CSMD1: variants seen among roughly 807,000 people sequenced by gnomAD.
CSMD1 encodes CUB and Sushi multiple domains 1, also known as CUB and sushi domain-containing protein 1.
Under a neutral mutation model 417.5 loss-of-function variants are expected in CSMD1, and 213 were observed. The ratio of observed to expected loss-of-function variants is 0.51; its 90% confidence interval spans 0.46 to 0.57. The LOEUF (loss-of-function observed/expected upper bound fraction) is 0.57, where lower values mean the gene tolerates loss of function less well. Among genes scored for constraint, CSMD1 ranks in the 20% least tolerant of loss-of-function variants. The pLI is 0.00. For missense variants in CSMD1, 6,923 were observed against 4,529.7 expected (o/e 1.53, Z -15.17); for synonymous variants, 2,862 against 1,736.8 (o/e 1.65, Z -16.11).
chr8:3,990,873 C>G (rs1165349989), intron 5 of CSMD1, among the ~76,000 whole-genome samples: 1 of 152,098 alleles, frequency 6.6e-6, no homozygotes, highest in African/African-American at 2.4e-5. Flanking sequence ...CAGAGAGCCA[C>G]CTTCTTTGCT....
intron 3 of CSMD1, among the ~76,000 whole-genome samples, chr8:4,389,659 C>G (rs902787087): frequency 1.3e-5 from 2 of 152,166 alleles, no homozygotes; most frequent in Non-Finnish European, 2.9e-5. Context: ...CCTCCCTAAA[C>G]TCCACCTTTA....
intron 1 of CSMD1, among the ~76,000 whole-genome samples, chr8:4,910,778 T>C (rs1805612409): frequency 6.6e-6 from 1 of 152,214 alleles, no homozygotes. Flanking sequence ...AAGGACCTTA[T>C]AAGGTGGGAA....
chr8:4,178,876 A>T (rs377295981), intron 3 of CSMD1, among the ~76,000 whole-genome samples: 8 of 152,150 alleles, frequency 5.3e-5, no homozygotes, highest in African/African-American at 1.9e-4. Flanking sequence ...ACAAGGGATG[A>T]GAAGGACCTC....
At chr8:4,326,256 C>T (rs1239619173) in intron 3 of CSMD1, among the ~76,000 whole-genome samples, 3 of 152,124 alleles carry the variant, frequency 2.0e-5, no homozygotes, top group Non-Finnish European at 2.9e-5. Flanking sequence ...CCAAAGACTG[C>T]AGATCATCTT....
intron 12 of CSMD1, among the ~76,000 whole-genome samples, chr8:3,458,821 G>C (rs924372083): frequency 1.3e-5 from 2 of 152,186 alleles, no homozygotes; most frequent in East Asian, 1.9e-4. Context: ...AAACAGGATT[G>C]AATAAAATGG....
intron 2 of CSMD1, among the ~76,000 whole-genome samples, chr8:4,508,541 G>A (rs1802652112): frequency 6.6e-6 from 1 of 152,050 alleles, no homozygotes; most frequent in Non-Finnish European, 1.5e-5. Context: ...GCAAGATGAA[G>A]TTTACTGCAT....
At chr8:4,027,882 CAG>C in intron 4 of CSMD1, among the ~76,000 whole-genome samples, 3 of 152,190 alleles carry the variant, frequency 2.0e-5, no homozygotes, top group African/African-American at 7.2e-5. Context: ...AACAAAGACA[CAG>C]TAACTTTGAT....
intron 3 of CSMD1, among the ~76,000 whole-genome samples, chr8:4,123,679 G>C (rs994324701): frequency 4.6e-5 from 7 of 152,282 alleles, no homozygotes; most frequent in South Asian, 2.1e-4. Context: ...GGGAAAACCT[G>C]ATGATAACTT....
intron 1 of CSMD1, among the ~76,000 whole-genome samples, chr8:4,871,091 A>G (rs1802711174): frequency 6.6e-6 from 1 of 152,116 alleles, no homozygotes; most frequent in Non-Finnish European, 1.5e-5. Context: ...GGCCTGGGCC[A>G]TGGGAGGAGG....
At chr8:4,326,820 G>T (rs1799588469) in intron 3 of CSMD1, among the ~76,000 whole-genome samples, 1 of 149,436 alleles carries the variant, frequency 6.7e-6, no homozygotes, top group Non-Finnish European at 1.5e-5. Context: ...CTTTGGCTTT[G>T]AGATTCTTCT....
chr8:4,280,061 C>T (rs572853328), intron 3 of CSMD1, among the ~76,000 whole-genome samples: 1 of 152,320 alleles, frequency 6.6e-6, no homozygotes. Flanking sequence ...GAACGCTGAG[C>T]GTTAACTAAC....
At chr8:3,449,621 A>T (rs1010940332) in intron 12 of CSMD1, among the ~76,000 whole-genome samples, 18 of 152,180 alleles carry the variant, frequency 1.2e-4, no homozygotes, top group African/African-American at 4.1e-4. Context: ...GGGTTCAAGC[A>T]ATACTCCTGC....
chr8:3,015,302 C>T (rs1808742459), intron 52 of CSMD1, among the ~76,000 whole-genome samples: 2 of 152,234 alleles, frequency 1.3e-5, no homozygotes, highest in South Asian at 2.1e-4. Flanking sequence ...GGGACAGTTG[C>T]TTTGCTTGAA....
At chr8:3,577,766 A>C (rs764213680) in intron 9 of CSMD1, among the ~76,000 whole-genome samples, 1 of 152,168 alleles carries the variant, frequency 6.6e-6, no homozygotes, top group Non-Finnish European at 1.5e-5. Flanking sequence ...CAACCTAATC[A>C]TCTGCTTCTT....
intron 12 of CSMD1, among the ~76,000 whole-genome samples, chr8:3,413,597 G>T (rs1812949853): frequency 6.6e-6 from 1 of 152,180 alleles, no homozygotes; most frequent in African/African-American, 2.4e-5. Context: ...TCATGATTAT[G>T]CCAGCGATGT....
chr8:3,937,459 A>G (rs1208522138), intron 5 of CSMD1, among the ~76,000 whole-genome samples: 2 of 152,168 alleles, frequency 1.3e-5, no homozygotes, highest in African/African-American at 2.4e-5. Flanking sequence ...TCATCCATCA[A>G]CATTGACGAA....
chr8:4,959,998 T>C (rs1219219323), intron 1 of CSMD1, among the ~76,000 whole-genome samples: 1 of 152,220 alleles, frequency 6.6e-6, no homozygotes, highest in African/African-American at 2.4e-5. Flanking sequence ...GGTTTCTCTT[T>C]GCTCACTAGG....
At chr8:3,814,071 G>C (rs1400508905) in intron 5 of CSMD1, among the ~76,000 whole-genome samples, 1 of 152,172 alleles carries the variant, frequency 6.6e-6, no homozygotes, top group Non-Finnish European at 1.5e-5. Context: ...TGCAAAATGT[G>C]TTTCAAATTC....
At chr8:3,430,131 A>T (rs182269015) in intron 12 of CSMD1, among the ~76,000 whole-genome samples, 180 of 152,324 alleles carry the variant, frequency 1.2e-3, no homozygotes, top group Non-Finnish European at 1.6e-3. Flanking sequence ...ACACATACAT[A>T]TACATACAAA....
Sources: gnomAD v4.1 joint callset for allele counts (sites outside exome capture counted in the v4.1 genomes callset) on GRCh38, gnomAD v4.1.1 for gene constraint, MANE v1.5 for transcripts, NCBI Gene and HGNC (gene_info 2026-07-23, HGNC 2026-07-21) for gene names.